The following OPCML variants were observed in gnomAD, a reference collection of about 807,000 sequenced individuals.
OPCML encodes the protein opioid binding protein/cell adhesion molecule like.
OPCML carries 13 observed loss-of-function variants against 37.8 expected under a neutral mutation model. The ratio of observed to expected loss-of-function variants is 0.34; its 90% confidence interval spans 0.22 to 0.55. OPCML has a LOEUF of 0.55. OPCML is among the 20% of genes least tolerant of loss of function. The pLI is 0.91. For missense variants in OPCML, 341 were observed against 435.6 expected (o/e 0.78, Z 1.93); for synonymous variants, 176 against 168.8 (o/e 1.04, Z -0.33).
intron 1 of OPCML, among the ~76,000 whole-genome samples, chr11:133,024,094 T>C (rs1947503467): frequency 6.6e-6 from 1 of 152,212 alleles, no homozygotes; most frequent in Non-Finnish European, 1.5e-5. Flanking sequence ...GTGATCATTA[T>C]GGTCCATGGA....
intron 2 of OPCML, among the ~76,000 whole-genome samples, chr11:132,876,013 T>G (rs773146224): frequency 6.6e-6 from 1 of 152,212 alleles, no homozygotes; most frequent in Non-Finnish European, 1.5e-5. Flanking sequence ...TGGAGAATGA[T>G]GGACAATTTG....
intron 1 of OPCML, among the ~76,000 whole-genome samples, chr11:133,203,721 T>A (rs929891776): frequency 2.6e-5 from 4 of 152,204 alleles, no homozygotes; most frequent in African/African-American, 9.6e-5. Flanking sequence ...ATGCTAAGAC[T>A]TTTAAATTAT....
intron 1 of OPCML, among the ~76,000 whole-genome samples, chr11:133,477,871 G>T (rs1947279248): frequency 6.6e-6 from 1 of 152,136 alleles, no homozygotes; most frequent in African/African-American, 2.4e-5. Flanking sequence ...CTTACGTAGG[G>T]GTAACCAAAG....
intron 1 of OPCML, among the ~76,000 whole-genome samples, chr11:133,318,860 A>G (rs868507714): frequency 2.0e-5 from 3 of 152,076 alleles, no homozygotes; most frequent in South Asian, 4.2e-4. Context: ...AACATGGTGA[A>G]ACCCCATCTC....
intron 3 of OPCML, among the ~76,000 whole-genome samples, chr11:132,640,932 A>G (rs1301666487): frequency 6.6e-6 from 1 of 152,164 alleles, no homozygotes; most frequent in Non-Finnish European, 1.5e-5. Flanking sequence ...GAAGGCCCTG[A>G]GTAGGACAAC....
chr11:132,466,875 T>C (rs555466493), intron 4 of OPCML, among the ~76,000 whole-genome samples: 1 of 152,302 alleles, frequency 6.6e-6, no homozygotes, highest in African/African-American at 2.4e-5. Flanking sequence ...TGCATGCACT[T>C]ATGTGTATTT....
intron 1 of OPCML, among the ~76,000 whole-genome samples, chr11:133,246,860 C>A (rs1392537432): frequency 1.3e-5 from 2 of 152,130 alleles, no homozygotes; most frequent in Non-Finnish European, 2.9e-5. Context: ...CAAATTAAAA[C>A]CTATTAGGTG....
At chr11:133,298,990 GA>G (rs796435128) in intron 1 of OPCML, 179 of 145,552 alleles carry the variant, frequency 1.2e-3, no homozygotes, top group Non-Finnish European at 1.4e-3. Flanking sequence ...AGATCAGCAG[GA>G]AAAAAAAAAA....
At chr11:132,813,314 C>T (rs889994913) in intron 2 of OPCML, among the ~76,000 whole-genome samples, 2 of 152,098 alleles carry the variant, frequency 1.3e-5, no homozygotes, top group East Asian at 1.9e-4. Flanking sequence ...GTCTTTACAG[C>T]GATAATTAGA....
At chr11:132,438,849 G>T (rs949239768) in intron 4 of OPCML, among the ~76,000 whole-genome samples, 4 of 152,016 alleles carry the variant, frequency 2.6e-5, no homozygotes, top group African/African-American at 4.8e-5. Flanking sequence ...CCAAGTCTAA[G>T]CCTTGGGGGC....
chr11:133,249,985 A>T (rs1941073188), intron 1 of OPCML, among the ~76,000 whole-genome samples: 1 of 152,200 alleles, frequency 6.6e-6, no homozygotes, highest in African/African-American at 2.4e-5. Context: ...GGGAAATTCC[A>T]TCTAACAACC....
chr11:132,421,876 G>A (rs1010632558), intron 7 of OPCML, among the ~76,000 whole-genome samples: 1 of 152,096 alleles, frequency 6.6e-6, no homozygotes, highest in African/African-American at 2.4e-5. Flanking sequence ...AAATGCTCAG[G>A]TTGAAGCTCA....
chr11:133,318,269 G>A (rs1943250221), intron 1 of OPCML, among the ~76,000 whole-genome samples: 1 of 152,152 alleles, frequency 6.6e-6, no homozygotes, highest in Admixed American at 6.5e-5. Context: ...ATCAGTCTGT[G>A]CACTTCCTTG....
At chr11:133,038,692 C>T (rs1947829410) in intron 1 of OPCML, among the ~76,000 whole-genome samples, 1 of 152,116 alleles carries the variant, frequency 6.6e-6, no homozygotes, top group African/African-American at 2.4e-5. Context: ...TAGCAAGTGG[C>T]AGGGCTGAGT....
chr11:132,796,565 CTTTTTTTTT>C (rs71067396), intron 2 of OPCML, among the ~76,000 whole-genome samples: 18 of 88,584 alleles, frequency 2.0e-4, no homozygotes, highest in African/African-American at 8.1e-4. Context: ...TTTCTTCTTT[CTTTTTTTTT>C]TTTTTTTTTT....
chr11:132,458,906 C>T (rs1169186022), intron 4 of OPCML, among the ~76,000 whole-genome samples: 1 of 152,116 alleles, frequency 6.6e-6, no homozygotes, highest in African/African-American at 2.4e-5. Context: ...GGAAATAAAG[C>T]ATTTAATAGC....
intron 4 of OPCML, among the ~76,000 whole-genome samples, chr11:132,506,555 A>C (rs919665612): frequency 1.3e-5 from 2 of 152,180 alleles, no homozygotes; most frequent in African/African-American, 4.8e-5. Flanking sequence ...TCAAAAGGTG[A>C]TTTTGATAGT....
intron 1 of OPCML, among the ~76,000 whole-genome samples, chr11:133,529,981 C>T (rs1402806826): frequency 2.0e-5 from 3 of 152,110 alleles, no homozygotes; most frequent in South Asian, 2.1e-4. Context: ...TCTTACCGGG[C>T]TCCTGACACA....
At chr11:132,515,787 T>G (rs1156666333) in intron 4 of OPCML, among the ~76,000 whole-genome samples, 2 of 152,048 alleles carry the variant, frequency 1.3e-5, no homozygotes, top group Non-Finnish European at 2.9e-5. Flanking sequence ...ATTTCTAGAG[T>G]CATTCTTCAA....
Sources: allele counts gnomAD v4.1 joint callset (sites outside exome capture counted in the v4.1 genomes callset), GRCh38; gene constraint gnomAD v4.1.1; transcripts MANE v1.5; gene names NCBI Gene and HGNC (gene_info 2026-07-23, HGNC 2026-07-21).